The following ATG10 variants were observed in gnomAD, a reference collection of about 807,000 sequenced individuals.
ATG10 encodes ubiquitin-like-conjugating enzyme ATG10.
In ATG10, 30 loss-of-function variants were observed where a neutral mutation model predicts 32.1. That is an observed-to-expected ratio of 0.94 (90% CI 0.70 to 1.27). The LOEUF is 1.27. Among genes scored for constraint, ATG10 ranks in the 50% most tolerant of loss-of-function variants. The pLI is 0.00. For synonymous variants in ATG10, 87 were observed against 91.5 expected (o/e 0.95, Z 0.28); for missense variants, 233 against 262.3 (o/e 0.89, Z 0.77).
chr5:82,239,906 T>C (rs573210251), intron 5 of ATG10, among the ~76,000 whole-genome samples: 1 of 152,182 alleles, frequency 6.6e-6, no homozygotes, highest in South Asian at 2.1e-4. Context: ...GGCTAAAAGA[T>C]ATATGAAAAA....
intron 3 of ATG10, among the ~76,000 whole-genome samples, chr5:82,114,087 G>A (rs991211574): frequency 8.6e-5 from 13 of 152,024 alleles, no homozygotes; most frequent in African/African-American, 3.1e-4. Context: ...TTCCTTGTGC[G>A]ACTGTGATGT....
intron 2 of ATG10, among the ~76,000 whole-genome samples, chr5:82,031,643 T>C (rs2149716042): frequency 6.6e-6 from 1 of 152,324 alleles, no homozygotes; most frequent in South Asian, 2.1e-4. Context: ...GAGGCATACA[T>C]GGAGTAGTGA....
intron 2 of ATG10, among the ~76,000 whole-genome samples, chr5:82,024,764 G>A (rs965937618): frequency 6.6e-6 from 1 of 152,210 alleles, no homozygotes; most frequent in Non-Finnish European, 1.5e-5. Context: ...TAAGCTAAGG[G>A]CTGGGTGGCA....
intron 2 of ATG10, among the ~76,000 whole-genome samples, chr5:82,003,766 A>G (rs919454616): frequency 6.6e-6 from 1 of 152,244 alleles, no homozygotes; most frequent in Non-Finnish European, 1.5e-5. Context: ...TTTTTCTTAC[A>G]TGACCTATTT....
intron 3 of ATG10, among the ~76,000 whole-genome samples, chr5:82,088,820 T>G (rs960169149): frequency 2.0e-5 from 3 of 152,204 alleles, no homozygotes; most frequent in Non-Finnish European, 2.9e-5. Context: ...GTTAGAGGGC[T>G]AGGTCACTTA....
intron 3 of ATG10, among the ~76,000 whole-genome samples, chr5:82,119,304 T>C (rs868784262): frequency 2.0e-5 from 3 of 152,326 alleles, no homozygotes; most frequent in South Asian, 2.1e-4. Flanking sequence ...CTTTTCAATC[T>C]TGATAACACT....
chr5:82,231,835 G>A (rs1204680943), intron 5 of ATG10, among the ~76,000 whole-genome samples: 2 of 152,070 alleles, frequency 1.3e-5, no homozygotes, highest in African/African-American at 4.8e-5. Context: ...AAAACTGTCA[G>A]GAGCTATAGC....
intron 2 of ATG10, among the ~76,000 whole-genome samples, chr5:82,008,333 C>T (rs191342834): frequency 4.3e-4 from 66 of 151,952 alleles, no homozygotes; most frequent in Admixed American, 1.3e-3. Flanking sequence ...GAGAAAAATG[C>T]ACTTGGAGCA....
At chr5:82,226,399 CTATG>C (rs1746132660) in intron 5 of ATG10, among the ~76,000 whole-genome samples, 1 of 151,786 alleles carries the variant, frequency 6.6e-6, no homozygotes, top group Non-Finnish European at 1.5e-5. Context: ...TCTTGGTAGA[CTATG>C]TATAGTCAGT....
intron 3 of ATG10, among the ~76,000 whole-genome samples, chr5:82,084,942 G>T (rs1764617520): frequency 6.6e-6 from 1 of 152,130 alleles, no homozygotes; most frequent in Non-Finnish European, 1.5e-5. Context: ...AAAATAACCA[G>T]CTAACATCAT....
chr5:82,108,908 T>C (rs1765525569), intron 3 of ATG10, among the ~76,000 whole-genome samples: 1 of 151,972 alleles, frequency 6.6e-6, no homozygotes, highest in Non-Finnish European at 1.5e-5. Context: ...GGGAAGATAA[T>C]TCCATTTTGG....
chr5:82,102,207 G>A (rs1337713193), intron 3 of ATG10, among the ~76,000 whole-genome samples: 2 of 152,162 alleles, frequency 1.3e-5, no homozygotes, highest in East Asian at 3.9e-4. Context: ...CTTACTTTGT[G>A]GTAGATTTTT....
intron 2 of ATG10, among the ~76,000 whole-genome samples, chr5:82,019,789 C>T (rs933613374): frequency 1.3e-5 from 2 of 152,144 alleles, no homozygotes; most frequent in Non-Finnish European, 1.5e-5. Flanking sequence ...TCTTTTCTGC[C>T]TGAGCAGAGG....
intron 1 of ATG10, among the ~76,000 whole-genome samples, chr5:81,982,196 G>A (rs1259937828): frequency 1.3e-5 from 2 of 152,160 alleles, no homozygotes; most frequent in Non-Finnish European, 2.9e-5. Flanking sequence ...GGTGGCTCAC[G>A]CCTATAATCC....
chr5:82,166,079 A>C (rs1164923573), intron 4 of ATG10, among the ~76,000 whole-genome samples: 1 of 152,206 alleles, frequency 6.6e-6, no homozygotes, highest in Non-Finnish European at 1.5e-5. Context: ...TGATGAGCTC[A>C]TATGTGTGCT....
intron 2 of ATG10, among the ~76,000 whole-genome samples, chr5:81,998,249 A>G (rs1581582155): frequency 6.6e-6 from 1 of 152,244 alleles, no homozygotes; most frequent in East Asian, 1.9e-4. Flanking sequence ...TTTTTGAAGA[A>G]AAGAATTTAT....
At chr5:82,218,701 C>T (rs564753931) in intron 5 of ATG10, among the ~76,000 whole-genome samples, 6 of 152,138 alleles carry the variant, frequency 3.9e-5, no homozygotes, top group African/African-American at 1.4e-4. Context: ...ACACCAAAAT[C>T]GATAAACATT....
intron 3 of ATG10, among the ~76,000 whole-genome samples, chr5:82,065,994 C>T (rs774107667): frequency 6.6e-6 from 1 of 151,516 alleles, no homozygotes; most frequent in African/African-American, 2.4e-5. Context: ...TTAAAAAAAT[C>T]GTGTCCAGCA....
chr5:82,206,193 T>G (rs1745286856), intron 5 of ATG10, among the ~76,000 whole-genome samples: 1 of 152,104 alleles, frequency 6.6e-6, no homozygotes, highest in Non-Finnish European at 1.5e-5. Flanking sequence ...ACCACATGGA[T>G]GTAAAGTCAT....
Sources: gnomAD v4.1 joint callset for allele counts (sites outside exome capture counted in the v4.1 genomes callset) on GRCh38, gnomAD v4.1.1 for gene constraint, MANE v1.5 for transcripts, NCBI Gene and HGNC (gene_info 2026-07-23, HGNC 2026-07-21) for gene names.